The following CCDC170 variants were observed in gnomAD, a reference collection of about 807,000 sequenced individuals.
The protein encoded by CCDC170 is coiled-coil domain-containing protein 170.
CCDC170 carries 69 observed loss-of-function variants against 72.6 expected under a neutral mutation model. The observed-to-expected ratio is 0.95, with a 90% CI of 0.78 to 1.16. The LOEUF (loss-of-function observed/expected upper bound fraction) is 1.16. CCDC170 is among the 50% of genes most tolerant of loss of function. The pLI, the probability that CCDC170 is intolerant of heterozygous loss-of-function variation, is 0.00. For synonymous variants in CCDC170, 300 were observed against 303.9 expected, an observed-to-expected ratio of 0.99 and a Z score of 0.13; for missense variants, 852 against 832.5, an observed-to-expected ratio of 1.02 and a Z score of -0.29.
intron 1 of CCDC170, among the ~76,000 whole-genome samples, chr6:151,529,241 T>C (rs1477603960): frequency 1.3e-5 from 2 of 152,250 alleles, no homozygotes; most frequent in Non-Finnish European, 2.9e-5. Flanking sequence ...TGCCAAAGCA[T>C]ACAGATCTAT....
chr6:151,579,408 A>G (rs1009267048), intron 6 of CCDC170, among the ~76,000 whole-genome samples: 1 of 152,184 alleles, frequency 6.6e-6, no homozygotes, highest in Non-Finnish European at 1.5e-5. Context: ...ACACCTAAAT[A>G]AGCTTCTGAA....
At chr6:151,513,160 T>G (rs1367600556) in intron 1 of CCDC170, among the ~76,000 whole-genome samples, 1 of 152,194 alleles carries the variant, frequency 6.6e-6, no homozygotes, top group African/African-American at 2.4e-5. Flanking sequence ...TACAGCTTTA[T>G]GATGGAATAT....
chr6:151,600,472 CTG>C (rs1448871671), intron 9 of CCDC170, among the ~76,000 whole-genome samples: 1 of 152,140 alleles, frequency 6.6e-6, no homozygotes, highest in Non-Finnish European at 1.5e-5. Context: ...CTCTTCTTTT[CTG>C]TCTCTTATAA....
rs115744205 is a variant in CCDC170, at chr6:151,596,297, A to C, written c.1468-38A>C. 2,816 of 1,556,438 alleles carry C rather than the reference A, an allele frequency of 1.8e-3. 44 individuals are homozygous for C. In the African/African-American group the frequency reaches 0.036, roughly 20 times the overall value. On this transcript the variant is annotated intron_variant, in intron 8 of 10. Coordinates refer to ENST00000239374, the MANE Select transcript of CCDC170 (RefSeq NM_025059.4). ...AACTCATTTATATTTACTATTGTTC[A>C]ATTATTAAAAAAAAAATCCCTGTTT...
At chr6:151,598,944 T>G (rs150978232) in intron 9 of CCDC170, among the ~76,000 whole-genome samples, 238 of 152,324 alleles carry the variant, frequency 1.6e-3, no homozygotes, top group Non-Finnish European at 2.6e-3. Flanking sequence ...ACTCATCCCC[T>G]CTGACATCTT....
chr6:151,523,842 A>G (rs1463585539), intron 1 of CCDC170, among the ~76,000 whole-genome samples: 2 of 152,244 alleles, frequency 1.3e-5, no homozygotes, highest in Non-Finnish European at 2.9e-5. Context: ...CATTGCAAAC[A>G]CTGCTGTGTT....
At chr6:151,613,816 T>A (rs1437168331) in intron 9 of CCDC170, among the ~76,000 whole-genome samples, 1 of 152,242 alleles carries the variant, frequency 6.6e-6, no homozygotes, top group African/African-American at 2.4e-5. Context: ...GTACAGTTTC[T>A]GTGTGGGCAT....
intron 9 of CCDC170, among the ~76,000 whole-genome samples, chr6:151,611,899 T>TG (rs200732476): frequency 0.016 from 2,470 of 151,940 alleles, 33 homozygotes; most frequent in Non-Finnish European, 0.023. Flanking sequence ...TTAATAGAGA[T>TG]GGGGTTTCAC....
At chr6:151,617,508 G>A (rs1776989392) in intron 10 of CCDC170, among the ~76,000 whole-genome samples, 1 of 136,598 alleles carries the variant, frequency 7.3e-6, no homozygotes, top group Admixed American at 8.5e-5. Context: ...CCATCCATGG[G>A]CACAACCCCA....
chr6:151,605,386 G>A (rs1004347499), intron 9 of CCDC170, among the ~76,000 whole-genome samples: 1 of 152,192 alleles, frequency 6.6e-6, no homozygotes, highest in Non-Finnish European at 1.5e-5. Context: ...AAGGGTTCAT[G>A]CCCAGGAGAT....
chr6:151,517,829 G>A (rs1231033435), intron 1 of CCDC170, among the ~76,000 whole-genome samples: 2 of 152,000 alleles, frequency 1.3e-5, no homozygotes, highest in Admixed American at 6.6e-5. Flanking sequence ...CTACCTCTAG[G>A]AAGTGTACAA....
At chr6:151,563,916 C>G (rs990170470) in intron 5 of CCDC170, among the ~76,000 whole-genome samples, 1 of 152,202 alleles carries the variant, frequency 6.6e-6, no homozygotes, top group African/African-American at 2.4e-5. Flanking sequence ...TGTGGGCACT[C>G]TGACAGGTCC....
chr6:151,551,151 G>A (rs1321066391), intron 5 of CCDC170, among the ~76,000 whole-genome samples: 1 of 152,092 alleles, frequency 6.6e-6, no homozygotes, highest in African/African-American at 2.4e-5. Context: ...ACAATGGTTA[G>A]CATTTTGTTT....
intron 1 of CCDC170, among the ~76,000 whole-genome samples, chr6:151,532,475 C>A (rs1224593404): frequency 6.6e-6 from 1 of 151,912 alleles, no homozygotes; most frequent in Non-Finnish European, 1.5e-5. Context: ...GGTGTCATAG[C>A]ACATGCCTGT....
intron 1 of CCDC170, among the ~76,000 whole-genome samples, chr6:151,515,143 C>G (rs1782215121): frequency 6.6e-6 from 1 of 152,220 alleles, no homozygotes; most frequent in Admixed American, 6.5e-5. Context: ...ATTCTATGCT[C>G]TACTTCAAAA....
Position 151,517,528 on chromosome 6 carries a change from G to T in CCDC170, c.58-18790G>T, listed in dbSNP as rs558638480. On this transcript the variant is annotated intron_variant, in intron 1 of 10. Transcript: ENST00000239374. Reference sequence around the variant, plus strand: ...GCTCACTGCAGCCTCTGCCTCCTGGGTTCAAGCAATTCTCCTGCCTCAGTC... The same window carrying T: ...GCTCACTGCAGCCTCTGCCTCCTGGTTTCAAGCAATTCTCCTGCCTCAGTC... 3.3e-5 allele frequency among the ~76,000 whole-genome samples: 5 copies of T among 151,128 alleles called. No homozygotes were observed. The South Asian group carries it at 1.1e-3, about 32-fold the overall frequency.
At chr6:151,497,773 C>G (rs918605392) in intron 1 of CCDC170, among the ~76,000 whole-genome samples, 8 of 151,678 alleles carry the variant, frequency 5.3e-5, no homozygotes, top group African/African-American at 1.7e-4. Flanking sequence ...GTCAGGAGTT[C>G]GAGACCATCC....
intron 1 of CCDC170, among the ~76,000 whole-genome samples, chr6:151,521,116 C>G (rs930763926): frequency 6.6e-6 from 1 of 152,166 alleles, no homozygotes; most frequent in Non-Finnish European, 1.5e-5. Context: ...GCATGCTGTT[C>G]ATTTGCTGAT....
chr6:151,609,274 C>T (rs556332482), intron 9 of CCDC170, among the ~76,000 whole-genome samples: 4 of 152,176 alleles, frequency 2.6e-5, no homozygotes, highest in South Asian at 2.1e-4. Flanking sequence ...AGCATCTATT[C>T]GGGCCATCAA....
Sources: allele counts gnomAD v4.1 joint callset (sites outside exome capture counted in the v4.1 genomes callset), GRCh38; gene constraint gnomAD v4.1.1; transcripts MANE v1.5; gene names NCBI Gene and HGNC (gene_info 2026-07-23, HGNC 2026-07-21).